Variants in SESN1 observed in about 807,000 individuals in gnomAD.
SESN1 encodes sestrin 1, also known as sestrin-1.
Under a neutral mutation model 59.3 loss-of-function variants are expected in SESN1, and 30 were observed. The observed-to-expected ratio is 0.51, with a 90% CI of 0.38 to 0.69. The LOEUF is 0.69. Ranked by LOEUF, SESN1 falls within the 30% of genes least tolerant of loss-of-function variation. The probability of loss-of-function intolerance (pLI) is 0.00; values close to 1 mark genes in which losing one functional copy is unlikely to be tolerated. For synonymous variants in SESN1, 197 were observed against 219.9 expected (o/e 0.90, Z 0.92); for missense variants, 566 against 673.0 (o/e 0.84, Z 1.76).
chr6:109,004,459 CAG>C (rs1312474176), intron 1 of SESN1, among the ~76,000 whole-genome samples: 1 of 145,738 alleles, frequency 6.9e-6, no homozygotes, highest in Non-Finnish European at 1.5e-5. Context: ...TTTTTGGAGA[CAG>C]AGTCTCGCTG....
At chr6:109,038,356 G>A (rs1247761276) in intron 1 of SESN1, among the ~76,000 whole-genome samples, 4 of 152,220 alleles carry the variant, frequency 2.6e-5, no homozygotes, top group Non-Finnish European at 4.4e-5. Flanking sequence ...GCTAGGTGTG[G>A]TGGTACATGC....
At chr6:109,047,078 TG>T (rs1780459928) in intron 1 of SESN1, among the ~76,000 whole-genome samples, 1 of 4,062 alleles carries the variant, frequency 2.5e-4, no homozygotes, top group Non-Finnish European at 4.4e-4. Flanking sequence ...CCGCCCCATC[TG>T]GGAGGTGAGG....
intron 4 of SESN1, 120 bp from the exon 5 acceptor site, chr6:108,998,875 T>C: frequency 8.1e-7 from 1 of 1,232,290 alleles, no homozygotes; most frequent in East Asian, 2.5e-5. Context: ...AGCATAAAAT[T>C]ATCATTTGAA....
chr6:108,994,163 A>AG (rs772075120), intron 6 of SESN1, among the ~76,000 whole-genome samples: 95 of 146,794 alleles, frequency 6.5e-4, no homozygotes, highest in Middle Eastern at 7.5e-3. Context: ...AAAAAAAAAA[A>AG]GAGAAAAAAG....
At chr6:108,989,371 G>C (rs1054637131) in intron 8 of SESN1, among the ~76,000 whole-genome samples, 1 of 151,682 alleles carries the variant, frequency 6.6e-6, no homozygotes, top group African/African-American at 2.4e-5. Context: ...ATTTGTTATT[G>C]GTACTAGTAC....
chr6:109,066,568 ATT>A (rs1780829411), intron 1 of SESN1, among the ~76,000 whole-genome samples: 4 of 152,208 alleles, frequency 2.6e-5, no homozygotes, highest in Admixed American at 2.0e-4. Context: ...ATGTGATGGC[ATT>A]TAAATTTTAA....
At chr6:109,084,187 A>G (rs893921934) in intron 1 of SESN1, among the ~76,000 whole-genome samples, 3 of 152,252 alleles carry the variant, frequency 2.0e-5, no homozygotes, top group African/African-American at 7.2e-5. Context: ...ATGATTATAT[A>G]TACATATTAA....
At chr6:109,091,170 T>C (rs887043954) in intron 1 of SESN1, among the ~76,000 whole-genome samples, 1 of 152,234 alleles carries the variant, frequency 6.6e-6, no homozygotes, top group Non-Finnish European at 1.5e-5. Context: ...TCTATATTAT[T>C]ACTCTACCTT....
At chr6:109,010,974 G>T (rs1779848086) in intron 1 of SESN1, among the ~76,000 whole-genome samples, 1 of 152,232 alleles carries the variant, frequency 6.6e-6, no homozygotes, top group African/African-American at 2.4e-5. Flanking sequence ...TGATGTATGG[G>T]ATTGTGAGCT....
At chr6:109,093,697 T>C (rs1781387385) in intron 1 of SESN1, 98 bp downstream of exon 1, 2 of 1,237,378 alleles carry the variant, frequency 1.6e-6, no homozygotes, top group Non-Finnish European at 2.2e-6. Flanking sequence ...AATAAAAGTT[T>C]ACATAACAAC....
Position 109,094,359 on chromosome 6 carries a change from G to T in SESN1, c.-286C>A. ...CTGGCTTTGGTGGGCAGAGAATTTC[G>T]GGGAAGCGTTCTCCTCCGTCTCGCG... is the stretch of plus-strand genomic sequence containing the variant. On this transcript the variant is annotated 5_prime_UTR_variant, in exon 1 of 10. Transcript: ENST00000436639. 2.2e-6 allele frequency: 1 copy of T among 445,978 alleles called. No individual in the cohort carries two copies. Among genetic ancestry groups the T allele is most frequent in the Non-Finnish European group, 4.0e-6 (1 of 248,122 alleles). 27.6% of individuals were successfully genotyped at this position (445,978 alleles called of 1,614,324 possible).
At chr6:109,054,380 T>A (rs1452749829) in intron 1 of SESN1, among the ~76,000 whole-genome samples, 1 of 152,168 alleles carries the variant, frequency 6.6e-6, no homozygotes, top group East Asian at 1.9e-4. Context: ...AAAAAATATT[T>A]TTATACTCGA....
intron 1 of SESN1, among the ~76,000 whole-genome samples, chr6:109,039,645 T>A (rs745787068): frequency 6.6e-6 from 1 of 152,190 alleles, no homozygotes; most frequent in East Asian, 1.9e-4. Context: ...CCAAAATATA[T>A]AGATGATTTA....
At chr6:109,032,740 CTTCTT>C (rs1320457820) in intron 1 of SESN1, among the ~76,000 whole-genome samples, 3 of 152,178 alleles carry the variant, frequency 2.0e-5, no homozygotes, top group Admixed American at 6.5e-5. Context: ...TATTCCAAGC[CTTCTT>C]TTCTTTTGTC....
At chr6:109,011,154 G>A (rs1479969710) in intron 1 of SESN1, among the ~76,000 whole-genome samples, 3 of 152,190 alleles carry the variant, frequency 2.0e-5, no homozygotes, top group Non-Finnish European at 4.4e-5. Context: ...TTTCTAATGA[G>A]AGGCAAGGGA....
At chr6:109,003,756 A>C (rs1344557417) in intron 1 of SESN1, among the ~76,000 whole-genome samples, 3 of 152,162 alleles carry the variant, frequency 2.0e-5, no homozygotes, top group Admixed American at 2.0e-4. Flanking sequence ...CCTGTTATTC[A>C]ATATATAATT....
chr6:109,077,054 C>T (rs79374607), intron 1 of SESN1, among the ~76,000 whole-genome samples: 11,997 of 152,178 alleles, frequency 0.079, 638 homozygotes, highest in Middle Eastern at 0.2. Flanking sequence ...GCAGTTCTAA[C>T]ACAACGATAA....
chr6:109,076,342 G>A (rs1050529667), intron 1 of SESN1, among the ~76,000 whole-genome samples: 1 of 152,120 alleles, frequency 6.6e-6, no homozygotes, highest in Non-Finnish European at 1.5e-5. Context: ...CTTTCAATAA[G>A]TTTTCAATAC....
intron 1 of SESN1, among the ~76,000 whole-genome samples, chr6:109,067,357 T>C (rs1780846725): frequency 6.6e-6 from 1 of 152,192 alleles, no homozygotes; most frequent in Admixed American, 6.5e-5. Flanking sequence ...AGATCATCAT[T>C]AATGTGTAGT....
Sources: allele counts gnomAD v4.1 joint callset (sites outside exome capture counted in the v4.1 genomes callset), GRCh38; gene constraint gnomAD v4.1.1; transcripts MANE v1.5; gene names NCBI Gene and HGNC (gene_info 2026-07-23, HGNC 2026-07-21).